ESCO1: variants seen among roughly 807,000 people sequenced by gnomAD.
ESCO1 encodes N-acetyltransferase ESCO1.
A neutral mutation model predicts 83.5 loss-of-function variants in ESCO1; 33 were observed. The observed-to-expected ratio is 0.40, with a 90% CI of 0.30 to 0.53. The LOEUF (loss-of-function observed/expected upper bound fraction) is 0.53. ESCO1 is among the 20% of genes least tolerant of loss of function. The pLI is 0.63. For missense variants in ESCO1, 855 were observed against 968.0 expected, an observed-to-expected ratio of 0.88 and a Z score of 1.55; for synonymous variants, 332 against 324.3, an observed-to-expected ratio of 1.02 and a Z score of -0.25.
chr18:21,537,431 A>T (rs2037850882), intron 9 of ESCO1, among the ~76,000 whole-genome samples: 1 of 152,206 alleles, frequency 6.6e-6, no homozygotes, highest in Non-Finnish European at 1.5e-5. Flanking sequence ...GCTACTCAGG[A>T]GACTGGGGCA....
intron 8 of ESCO1, among the ~76,000 whole-genome samples, chr18:21,551,061 G>A (rs1224943269): frequency 1.4e-5 from 2 of 147,872 alleles, no homozygotes; most frequent in African/African-American, 5.0e-5. Flanking sequence ...GCAGTGAGCC[G>A]AGATCACGCC....
chr18:21,533,457 G>A (rs368484568), intron 10 of ESCO1, among the ~76,000 whole-genome samples: 19 of 151,958 alleles, frequency 1.3e-4, no homozygotes, highest in Non-Finnish European at 2.1e-4. Context: ...CGCCATGCCC[G>A]ACTAAGTTTT....
intron 5 of ESCO1, 147 bp from the exon 6 acceptor site, chr18:21,566,353 C>G (rs2038260018): frequency 1.4e-6 from 1 of 695,600 alleles, no homozygotes; most frequent in East Asian, 2.8e-5. Context: ...AAATTAGAAC[C>G]TTCTTCCTAG....
chr18:21,530,438 C>A lies in ESCO1; in HGVS notation c.2428G>T (p.Asp810Tyr). 2 of 1,594,920 alleles carry A rather than the reference C, an allele frequency of 1.3e-6. No homozygotes were observed. Among genetic ancestry groups the A allele is most frequent in the Non-Finnish European group, 1.7e-6 (2 of 1,172,950 alleles). Residue 810 changes from aspartate to tyrosine, a missense_variant, in exon 12 of 12, where the codon GAT becomes TAT. By Grantham distance (160) the Asp-to-Tyr change is radical. This residue lies in a region of ESCO1 where 129 missense variants were observed against 268.5 expected (regional missense o/e 0.48). Transcript: ENST00000269214. ...AACAGCTTTCCATCAGGAGTGGGAT[C>A]TGAGAAAGCAATTTCTTCTTTGCTC... ...YLSKEEIAFS[D>Y]PTPDGKLFAT...
At chr18:21,582,139 T>C (rs1182275648) in intron 2 of ESCO1, among the ~76,000 whole-genome samples, 1 of 152,104 alleles carries the variant, frequency 6.6e-6, no homozygotes, top group Non-Finnish European at 1.5e-5. Context: ...ACCATCTAGG[T>C]AACCTATTCT....
At chr18:21,582,224 T>C (rs1382009205) in intron 2 of ESCO1, among the ~76,000 whole-genome samples, 2 of 151,874 alleles carry the variant, frequency 1.3e-5, no homozygotes, top group Non-Finnish European at 2.9e-5. Context: ...GATTAAAGTA[T>C]GGGAAATCTT....
At chr18:21,543,515 A>G (rs1359824835) in intron 8 of ESCO1, among the ~76,000 whole-genome samples, 1 of 152,182 alleles carries the variant, frequency 6.6e-6, no homozygotes. Flanking sequence ...TTTTTCCATC[A>G]AAAAAAGGAT....
intron 8 of ESCO1, among the ~76,000 whole-genome samples, chr18:21,547,900 G>A (rs540117462): frequency 2.6e-5 from 4 of 151,730 alleles, no homozygotes; most frequent in Non-Finnish European, 5.9e-5. Context: ...TCAGGAGATC[G>A]AGACCATCCT....
intron 4 of ESCO1, among the ~76,000 whole-genome samples, chr18:21,572,286 T>TA (rs1598469657): frequency 6.6e-6 from 1 of 152,346 alleles, no homozygotes; most frequent in African/African-American, 2.4e-5. Context: ...TGATCTATGT[T>TA]AGAGTTCCAG....
chr18:21,536,752 A>G (rs993823880), intron 9 of ESCO1, among the ~76,000 whole-genome samples: 2 of 152,136 alleles, frequency 1.3e-5, no homozygotes, highest in African/African-American at 4.8e-5. Context: ...CCTACAATAG[A>G]TTATTAGGAA....
At position 21,592,351 on chromosome 18, in the gene ESCO1, G is replaced by A. The variant is rs1385962996; in HGVS notation, c.-824-7911C>T. 5.3e-4 allele frequency among the ~76,000 whole-genome samples: 75 copies of A among 141,860 alleles called. 4 individuals are homozygous for A. Among genetic ancestry groups the A allele is most frequent in the Middle Eastern group, 4.0e-3 (1 of 252 alleles). 93.1% of individuals were successfully genotyped at this position (141,860 alleles called of 152,430 possible). A position where few individuals can be genotyped will look rare whatever the true frequency, so the allele number is the denominator to read the frequency against. Reference sequence around the variant, plus strand: ...CGGGCAGAGGCGCCCCTCACCTCCCGGACGAGGCGGCTGGCCGGGCGGGGG... The same window carrying A: ...CGGGCAGAGGCGCCCCTCACCTCCCAGACGAGGCGGCTGGCCGGGCGGGGG... On this transcript the variant is annotated intron_variant, in intron 1 of 11. Coordinates refer to ENST00000269214, the MANE Select transcript of ESCO1 (RefSeq NM_052911.3).
chr18:21,571,486 G>A (rs765959953), intron 4 of ESCO1, among the ~76,000 whole-genome samples: 1 of 152,172 alleles, frequency 6.6e-6, no homozygotes, highest in Non-Finnish European at 1.5e-5. Flanking sequence ...CACCACGCCT[G>A]GCAGGATGGT....
At chr18:21,587,999 G>A (rs1227279070) in intron 1 of ESCO1, among the ~76,000 whole-genome samples, 1 of 151,730 alleles carries the variant, frequency 6.6e-6, no homozygotes, top group Non-Finnish European at 1.5e-5. Context: ...TCATGTGAGA[G>A]GATCACTTGA....
chr18:21,577,957 T>G (rs1349196860), intron 2 of ESCO1, among the ~76,000 whole-genome samples: 1 of 152,206 alleles, frequency 6.6e-6, no homozygotes, highest in Non-Finnish European at 1.5e-5. Flanking sequence ...TGTGTTCTAC[T>G]GATCGTTCTG....
At position 21,566,980 on chromosome 18, in the gene ESCO1, C is replaced by T. The variant is rs188426022; in HGVS notation, c.1646-774G>A. ...TATTTATATTACATTCTCTCTTCCC[C>T]AACTCAGAGAAAAAGTTAAATCATG... On this transcript the variant is annotated intron_variant, in intron 5 of 11. Transcript: ENST00000269214. Among the ~76,000 whole-genome samples, 11 of 152,206 alleles carry T rather than the reference C, an allele frequency of 7.2e-5. No homozygotes were observed. In the East Asian group the frequency reaches 2.1e-3, roughly 29 times the overall value.
At chr18:21,593,629 G>GGGAGAGGGAGAGGGAGAGGGAGAT (rs2038718729) in intron 1 of ESCO1, 1 of 75,224 alleles carries the variant, frequency 1.3e-5, no homozygotes, top group Non-Finnish European at 4.3e-5. Context: ...GAGAGGGAGA[G>GGGAGAGGGAGAGGGAGAGGGAGAT]GGCCACCACA....
At chr18:21,548,212 G>C (rs1261768367) in intron 8 of ESCO1, among the ~76,000 whole-genome samples, 1 of 152,140 alleles carries the variant, frequency 6.6e-6, no homozygotes, top group East Asian at 1.9e-4. Context: ...ATATAGGAAG[G>C]CCAGGTACAG....
intron 1 of ESCO1, among the ~76,000 whole-genome samples, chr18:21,589,859 G>A (rs972009009): frequency 3.4e-5 from 5 of 148,744 alleles, no homozygotes; most frequent in African/African-American, 9.9e-5. Context: ...TTTTTTTCTC[G>A]CTCTGTCACC....
intron 8 of ESCO1, among the ~76,000 whole-genome samples, chr18:21,555,657 C>G (rs1423916447): frequency 6.6e-6 from 1 of 152,100 alleles, no homozygotes; most frequent in African/African-American, 2.4e-5. Flanking sequence ...TAAAAATTAG[C>G]CAGGTGTGGT....
Sources: gnomAD v4.1 joint callset for allele counts (sites outside exome capture counted in the v4.1 genomes callset) on GRCh38, gnomAD v4.1.1 for gene constraint, gnomAD v4.1.1 regional missense constraint, MANE v1.5 for transcripts, NCBI Gene and HGNC (gene_info 2026-07-23, HGNC 2026-07-21) for gene names.